The following DAB1 variants were observed in gnomAD, a reference collection of about 807,000 sequenced individuals.
DAB1 encodes the protein DAB adaptor protein 1, also known as disabled homolog 1.
A neutral mutation model predicts 64.6 loss-of-function variants in DAB1; 15 were observed. The observed-to-expected ratio is 0.23, with a 90% CI of 0.16 to 0.36. The LOEUF (loss-of-function observed/expected upper bound fraction) is 0.36. Ranked by LOEUF, DAB1 falls within the 10% of genes least tolerant of loss-of-function variation. DAB1 has a pLI of 1.00. For missense variants in DAB1, 596 were observed against 706.7 expected (o/e 0.84, Z 1.78); for synonymous variants, 235 against 251.9 (o/e 0.93, Z 0.64).
chr1:57,906,481 G>C (rs1644553185), intron 5 of DAB1, among the ~76,000 whole-genome samples: 2 of 152,128 alleles, frequency 1.3e-5, no homozygotes, highest in Admixed American at 1.3e-4. Context: ...TACTCTCTGA[G>C]ATGAAGGTGT....
At position 57,860,189 on chromosome 1, in the gene DAB1, A is replaced by T. The variant is rs183235328; in HGVS notation, n.87+23810T>A. 3.3e-5 allele frequency among the ~76,000 whole-genome samples: 5 copies of T among 152,312 alleles called. No individual in the cohort carries two copies. The East Asian group carries it at 9.7e-4, about 29-fold the overall frequency. On this transcript the variant is annotated intron_variant and non_coding_transcript_variant, in intron 1 of 1. Coordinates refer to the DAB1 transcript ENST00000477280. ...CACGAATGTAACACATAGAAAAAAA[A>T]TTGTATTTTCAAGGGAACTAACATA...
At chr1:58,407,558 C>G (rs1644628058) in intron 3 of DAB1, among the ~76,000 whole-genome samples, 1 of 152,128 alleles carries the variant, frequency 6.6e-6, no homozygotes, top group South Asian at 2.1e-4. Flanking sequence ...TGAGTAGAAG[C>G]CAAGGATGCT....
At chr1:57,986,972 A>G (rs1646234573) in intron 5 of DAB1, among the ~76,000 whole-genome samples, 1 of 152,242 alleles carries the variant, frequency 6.6e-6, no homozygotes, top group Non-Finnish European at 1.5e-5. Context: ...GAGACTTTAA[A>G]TGAATTGTTC....
At chr1:57,207,836 A>C (rs984378437) in intron 2 of DAB1, among the ~76,000 whole-genome samples, 6 of 152,204 alleles carry the variant, frequency 3.9e-5, no homozygotes, top group Non-Finnish European at 7.3e-5. Flanking sequence ...ATGTATTCAT[A>C]TCTTAAAGGG....
chr1:57,731,131 T>C (rs1043035353), intron 6 of DAB1, among the ~76,000 whole-genome samples: 2 of 152,212 alleles, frequency 1.3e-5, no homozygotes, highest in African/African-American at 4.8e-5. Context: ...TGAATTACTA[T>C]TCAGCCTTGA....
chr1:58,064,038 A>G (rs1648678924), intron 5 of DAB1, among the ~76,000 whole-genome samples: 1 of 152,172 alleles, frequency 6.6e-6, no homozygotes, highest in Admixed American at 6.5e-5. Flanking sequence ...AGCCAAAGAA[A>G]TTTCATTTTA....
chr1:58,387,111 A>G (rs528857538), intron 3 of DAB1, among the ~76,000 whole-genome samples: 1 of 152,316 alleles, frequency 6.6e-6, no homozygotes, highest in East Asian at 1.9e-4. Flanking sequence ...AGTGTTTTGG[A>G]AATTTAAAAG....
intron 3 of DAB1, among the ~76,000 whole-genome samples, chr1:58,346,980 C>G (rs774615353): frequency 6.6e-6 from 1 of 152,202 alleles, no homozygotes; most frequent in Non-Finnish European, 1.5e-5. Flanking sequence ...CTCTGTGCCT[C>G]AACTGTATGG....
chr1:57,280,267 G>A (rs1671781714), intron 2 of DAB1, among the ~76,000 whole-genome samples: 2 of 152,164 alleles, frequency 1.3e-5, no homozygotes, highest in Admixed American at 6.5e-5. Flanking sequence ...CTCTGCTCTT[G>A]CCTCTCCTCT....
chr1:57,816,167 A>C (rs1404781125), intron 6 of DAB1, among the ~76,000 whole-genome samples: 1 of 152,174 alleles, frequency 6.6e-6, no homozygotes, highest in African/African-American at 2.4e-5. Flanking sequence ...TTGTCTGCCA[A>C]ATGATGAAGA....
Position 57,960,825 on chromosome 1 carries a change from G to C in DAB1, n.388-76663C>G, listed in dbSNP as rs140073807. Among the ~76,000 whole-genome samples the C allele has an allele frequency of 6.9e-3, 1,057 of 152,370 alleles. 13 individuals carry two copies. The highest frequency in any genetic ancestry group is 0.024 in the African/African-American group (1,007 of 41,604). ...CTTTGGCCTAGGCCTAAGCCATGCAGGCATGAGGAGAACAGACCCCAGCCT... is the reference window on the plus strand; with the variant it reads ...CTTTGGCCTAGGCCTAAGCCATGCACGCATGAGGAGAACAGACCCCAGCCT... On this transcript the variant is annotated intron_variant and non_coding_transcript_variant, in intron 5 of 20. Coordinates refer to the DAB1 transcript ENST00000485760.
At chr1:57,780,583 A>G (rs1650017831) in intron 6 of DAB1, among the ~76,000 whole-genome samples, 1 of 108,762 alleles carries the variant, frequency 9.2e-6, no homozygotes. Flanking sequence ...TGGAAGACAA[A>G]AAAGAAAAAA....
chr1:58,508,284 T>C (rs531650312), intron 2 of DAB1, among the ~76,000 whole-genome samples: 13 of 152,206 alleles, frequency 8.5e-5, no homozygotes, highest in Admixed American at 3.3e-4. Flanking sequence ...CCAAAATGAG[T>C]ATTTTATTTA....
intron 14 of DAB1, among the ~76,000 whole-genome samples, chr1:57,002,895 A>T (rs1645923564): frequency 6.6e-6 from 1 of 152,200 alleles, no homozygotes; most frequent in African/African-American, 2.4e-5. Context: ...CCCTCTGTGA[A>T]GGAGAAAACA....
intron 5 of DAB1, among the ~76,000 whole-genome samples, chr1:57,898,111 T>C (rs1644419026): frequency 6.6e-6 from 1 of 152,112 alleles, no homozygotes; most frequent in South Asian, 2.1e-4. Flanking sequence ...ACTGCCCCTC[T>C]ACTTAGGGTG....
chr1:57,186,542 C>T (rs1255969105), intron 2 of DAB1, among the ~76,000 whole-genome samples: 1 of 152,302 alleles, frequency 6.6e-6, no homozygotes, highest in African/African-American at 2.4e-5. Flanking sequence ...TAATAAGGCA[C>T]AGGCCTTGAT....
intron 5 of DAB1, among the ~76,000 whole-genome samples, chr1:57,948,117 G>C (rs1645211140): frequency 6.6e-6 from 1 of 152,120 alleles, no homozygotes; most frequent in African/African-American, 2.4e-5. Context: ...CTGAGCTCAG[G>C]TATATCTCTG....
At chr1:58,084,043 G>C (rs1650157761) in intron 5 of DAB1, among the ~76,000 whole-genome samples, 1 of 152,150 alleles carries the variant, frequency 6.6e-6, no homozygotes, top group African/African-American at 2.4e-5. Flanking sequence ...AGAAAATGAT[G>C]TCAGAGATAT....
chr1:58,180,696 A>T (rs188906666), intron 4 of DAB1, among the ~76,000 whole-genome samples: 1 of 152,210 alleles, frequency 6.6e-6, no homozygotes, highest in African/African-American at 2.4e-5. Flanking sequence ...CTTGTTCAGT[A>T]TATTTCCTAA....
Sources: gnomAD v4.1 joint callset for allele counts (sites outside exome capture counted in the v4.1 genomes callset) on GRCh38, gnomAD v4.1.1 for gene constraint, MANE v1.5 for transcripts, NCBI Gene and HGNC (gene_info 2026-07-23, HGNC 2026-07-21) for gene names.